TPGS2: variants seen among roughly 807,000 people sequenced by gnomAD.
TPGS2 encodes the protein polyglutamylase subunit 2.
A neutral mutation model predicts 31.1 loss-of-function variants in TPGS2; 26 were observed. That is an observed-to-expected ratio of 0.84 (90% confidence interval 0.61 to 1.16). The LOEUF (loss-of-function observed/expected upper bound fraction) is 1.16, where lower values mean the gene tolerates loss of function less well. Ranked by LOEUF, TPGS2 falls within the 50% of genes most tolerant of loss-of-function variation. TPGS2 has a pLI of 0.00. For synonymous variants in TPGS2, 130 were observed against 136.6 expected, an observed-to-expected ratio of 0.95 and a Z score of 0.34; for missense variants, 351 against 363.8, an observed-to-expected ratio of 0.96 and a Z score of 0.29.
chr18:36,787,144 T>G (rs878931530), intron 6 of TPGS2: 1 of 1,231,942 alleles, frequency 8.1e-7, no homozygotes, highest in East Asian at 3.2e-5. Context: ...TCCAGAGGCA[T>G]GCATAGCATG....
chr18:36,821,730 T>C (rs376816477), intron 1 of TPGS2, among the ~76,000 whole-genome samples: 8 of 151,892 alleles, frequency 5.3e-5, no homozygotes, highest in Non-Finnish European at 7.4e-5. Flanking sequence ...CAGAGGGAGG[T>C]TGACAAAGAC....
rs184847985 is a variant in TPGS2, at chr18:36,809,805, G to C, written c.166-1871C>G. 2.7e-3 allele frequency among the ~76,000 whole-genome samples: 412 copies of C among 152,222 alleles called. 1 individual carries two copies. Among genetic ancestry groups the C allele is most frequent in the African/African-American group, 9.6e-3 (398 of 41,536 alleles). On this transcript the variant is annotated intron_variant, in intron 2 of 6. Coordinates refer to ENST00000334295, the MANE Select transcript of TPGS2 (RefSeq NM_015476.4). ...TACTGTCTATCCGCCTTTCTTAATG[G>C]GGATTCCATGAGATCCAGGCTGAGG...
At chr18:36,784,251 G>A (rs937684768) in intron 6 of TPGS2, among the ~76,000 whole-genome samples, 4 of 152,176 alleles carry the variant, frequency 2.6e-5, no homozygotes, top group Admixed American at 6.5e-5. Flanking sequence ...AATGTGCACC[G>A]CGCACCCGTT....
chr18:36,802,456 C>T (rs1263380836), intron 4 of TPGS2, among the ~76,000 whole-genome samples: 1 of 152,066 alleles, frequency 6.6e-6, no homozygotes, highest in Non-Finnish European at 1.5e-5. Context: ...AGAGATTCTG[C>T]CATATTATAA....
In TPGS2 at chr18:36,794,402, GA is replaced by G; in HGVS notation, c.*2402del. ...GATAGCCTTTTGAGAACTCCCACTTGATTGCCACAGATTTGAGTGACACCGC... is the reference window on the plus strand; with the variant it reads ...GATAGCCTTTTGAGAACTCCCACTTGTTGCCACAGATTTGAGTGACACCGC... On this transcript the variant is annotated 3_prime_UTR_variant, in exon 7 of 7. Coordinates refer to ENST00000334295, the MANE Select transcript of TPGS2 (RefSeq NM_015476.4). The G allele has an allele frequency of 1.0e-6, 1 of 985,426 alleles. No homozygotes were observed. The highest frequency in any genetic ancestry group is 1.2e-6 in the Non-Finnish European group (1 of 829,958). 61.0% of individuals were successfully genotyped at this position (985,426 alleles called of 1,614,324 possible).
rs1470568206 is a variant in TPGS2, at chr18:36,795,602, C to T, written c.*1203G>A. Reference sequence around the variant, plus strand: ...ATTCCTAATTGAAAATCTGAGCAACCTTCTCTGTAAAAATTTCATTAAATG... The same window carrying T: ...ATTCCTAATTGAAAATCTGAGCAACTTTCTCTGTAAAAATTTCATTAAATG... On this transcript the variant is annotated 3_prime_UTR_variant, in exon 7 of 7. Transcript: ENST00000334295. The T allele has an allele frequency of 2.0e-6, 2 of 985,412 alleles. No homozygotes were observed. The highest frequency in any genetic ancestry group is 2.4e-6 in the Non-Finnish European group (2 of 829,918). 61.0% of individuals were successfully genotyped at this position (985,412 alleles called of 1,614,324 possible). A position where few individuals can be genotyped will look rare whatever the true frequency, so the allele number is the denominator to read the frequency against.
intron 6 of TPGS2, chr18:36,787,178 C>G (rs2044152884): frequency 8.3e-6 from 10 of 1,210,678 alleles, no homozygotes; most frequent in Non-Finnish European, 1.0e-5. Context: ...ATTAAATGAG[C>G]CACAAGGTAA....
chr18:36,798,364 G>A, intron 6 of TPGS2, 85 bp downstream of exon 6: 5 of 1,589,716 alleles, frequency 3.1e-6, no homozygotes, highest in Non-Finnish European at 4.3e-6. Context: ...ATCAGATAGG[G>A]AAGTTGGGAA....
intron 1 of TPGS2, among the ~76,000 whole-genome samples, chr18:36,820,144 G>A (rs545376704): frequency 6.3e-4 from 96 of 152,330 alleles, no homozygotes; most frequent in African/African-American, 2.2e-3. Flanking sequence ...TAGGAACTAA[G>A]AATTCTAGAC....
chr18:36,807,789 G>A, intron 3 of TPGS2, 58 bp downstream of exon 3: 1 of 1,536,760 alleles, frequency 6.5e-7, no homozygotes, highest in Non-Finnish European at 9.0e-7. Context: ...GGCCCTCAGA[G>A]TTGTCCCATT....
chr18:36,818,335 C>T (rs114662621), intron 2 of TPGS2, among the ~76,000 whole-genome samples: 327 of 150,420 alleles, frequency 2.2e-3, no homozygotes, highest in African/African-American at 7.6e-3. Flanking sequence ...GCAGTAAGAT[C>T]AAGAGGCAAA....
rs575270827 is a variant in TPGS2 at position 36,802,548 on chromosome 18, G to A, written c.383-2237C>T. On this transcript the variant is annotated intron_variant, in intron 4 of 6. Coordinates refer to ENST00000334295, the MANE Select transcript of TPGS2 (RefSeq NM_015476.4). ...AGTTCCTCCCTGAAATTTTAGTTTG[G>A]TTTTACCTCCACAGGGGCATATAAG... Among the ~76,000 whole-genome samples, 4 of 151,944 alleles carry A rather than the reference G, an allele frequency of 2.6e-5. No homozygotes were observed. In the South Asian group the frequency reaches 6.2e-4, roughly 24 times the overall value.
chr18:36,812,644 G>A (rs527777717), intron 2 of TPGS2, among the ~76,000 whole-genome samples: 3 of 152,162 alleles, frequency 2.0e-5, no homozygotes, highest in African/African-American at 7.2e-5. Flanking sequence ...AGCCACTCTA[G>A]CAAATTAATT....
At chr18:36,807,301 A>G (rs2045200702) in intron 3 of TPGS2, among the ~76,000 whole-genome samples, 1 of 152,218 alleles carries the variant, frequency 6.6e-6, no homozygotes, top group Non-Finnish European at 1.5e-5. Flanking sequence ...ATCCACACAA[A>G]AATGTTTTGT....
chr18:36,798,420 G>GTT (rs778150251), intron 6 of TPGS2, 29 bp downstream of exon 6: 2 of 1,613,976 alleles, frequency 1.2e-6, no homozygotes, highest in Non-Finnish European at 1.7e-6. Flanking sequence ...ATATACCATA[G>GTT]TTTACAATGG....
chr18:36,781,362 A>G (rs917440173), downstream of TPGS2, among the ~76,000 whole-genome samples: 8 of 152,136 alleles, frequency 5.3e-5, no homozygotes, highest in African/African-American at 1.9e-4. Context: ...CTACTTTTAA[A>G]ACCTCTGTAG....
Position 36,796,477 on chromosome 18 carries a change from T to C in TPGS2, c.*328A>G. 1 of 1,077,654 alleles carries C rather than the reference T, an allele frequency of 9.3e-7. No homozygotes were observed. The highest frequency in any genetic ancestry group is 1.1e-6 in the Non-Finnish European group (1 of 891,200). 66.8% of individuals were successfully genotyped at this position (1,077,654 alleles called of 1,614,324 possible). On this transcript the variant is annotated 3_prime_UTR_variant, in exon 7 of 7. Transcript: ENST00000334295. Reference sequence around the variant, plus strand: ...CTAATGCTTCATGGGTCAAAACCAGTGGTTTCTTTGGGGGACCTCTCTAAT... The same window carrying C: ...CTAATGCTTCATGGGTCAAAACCAGCGGTTTCTTTGGGGGACCTCTCTAAT...
At chr18:36,823,403 C>T (rs1363629288) in intron 1 of TPGS2, among the ~76,000 whole-genome samples, 1 of 151,472 alleles carries the variant, frequency 6.6e-6, no homozygotes, top group Non-Finnish European at 1.5e-5. Flanking sequence ...AAGTCAGCAA[C>T]AGCGTAACAG....
At chr18:36,780,098 A>G (rs968622767), downstream of TPGS2, 42 of 1,222,396 alleles carry the variant, frequency 3.4e-5, no homozygotes, top group Non-Finnish European at 4.0e-5. Flanking sequence ...GACCTTAAAC[A>G]GTTCCACAGG....
Sources: allele counts gnomAD v4.1 joint callset (sites outside exome capture counted in the v4.1 genomes callset), GRCh38; gene constraint gnomAD v4.1.1; transcripts MANE v1.5; gene names NCBI Gene and HGNC (gene_info 2026-07-23, HGNC 2026-07-21).